MCM5: variants seen among roughly 807,000 people sequenced by gnomAD.
MCM5 encodes the protein DNA replication licensing factor MCM5.
Under a neutral mutation model 79.9 loss-of-function variants are expected in MCM5, and 46 were observed. The observed-to-expected ratio is 0.58, with a 90% CI of 0.45 to 0.74. The LOEUF (loss-of-function observed/expected upper bound fraction) is 0.74, where lower values mean the gene tolerates loss of function less well. MCM5 is among the 30% of genes least tolerant of loss of function. The pLI is 0.00. For missense variants in MCM5, 883 were observed against 1,017.0 expected (o/e 0.87, Z 1.79); for synonymous variants, 404 against 390.5 (o/e 1.03, Z -0.41).
At chr22:35,430,032 C>T (rs1339681652), downstream of MCM5, among the ~76,000 whole-genome samples, 1 of 152,220 alleles carries the variant, frequency 6.6e-6, no homozygotes, top group Non-Finnish European at 1.5e-5. Context: ...CCCTTCAGCC[C>T]TAGGCACACC....
At chr22:35,402,283 G>A (rs975297417) in intron 2 of MCM5, among the ~76,000 whole-genome samples, 2 of 151,622 alleles carry the variant, frequency 1.3e-5, no homozygotes, top group Admixed American at 1.3e-4. Flanking sequence ...AGGCAGATGT[G>A]TTTTCTGCTG....
At chr22:35,403,374 G>A in intron 3 of MCM5, 40 bp from the exon 4 acceptor site, 2 of 1,614,108 alleles carry the variant, frequency 1.2e-6, no homozygotes, top group Non-Finnish European at 1.7e-6. Flanking sequence ...GGGCTGCTCT[G>A]CCCCAGTTAC....
intron 2 of MCM5, 115 bp from the exon 3 acceptor site, chr22:35,403,092 G>A: frequency 8.1e-7 from 1 of 1,228,438 alleles, no homozygotes; most frequent in Non-Finnish European, 1.2e-6. Context: ...GAGGAATGGT[G>A]AGGTCATGGT....
chr22:35,446,633 C>T, the MCM5 span, among the ~76,000 whole-genome samples: 1 of 152,048 alleles, frequency 6.6e-6, no homozygotes, highest in Admixed American at 6.5e-5. Context: ...AACCGGGGCG[C>T]CTGCAGGAGG....
chr22:35,448,749 C>CA, the MCM5 span, among the ~76,000 whole-genome samples: 11 of 152,178 alleles, frequency 7.2e-5, no homozygotes, highest in Non-Finnish European at 1.0e-4. Flanking sequence ...TGGCTTCAAA[C>CA]AACACGCATT....
At chr22:35,434,453 G>A in the MCM5 span, among the ~76,000 whole-genome samples, 12 of 152,076 alleles carry the variant, frequency 7.9e-5, no homozygotes, top group Middle Eastern at 3.2e-3. Context: ...CGGTCCCAGG[G>A]GAGCTCTCTG....
the MCM5 span, among the ~76,000 whole-genome samples, chr22:35,451,497 C>T: frequency 1.3e-5 from 2 of 152,246 alleles, no homozygotes; most frequent in Non-Finnish European, 2.9e-5. Context: ...GATCTGCCAT[C>T]TCCAGAGTTC....
Position 35,424,403 on chromosome 22 carries a change from G to A in MCM5, c.*148G>A, listed in dbSNP as rs1932758149. The A allele has an allele frequency of 4.8e-6, 3 of 623,306 alleles. No homozygotes were observed. Among genetic ancestry groups the A allele is most frequent in the Admixed American group, 3.2e-5 (1 of 31,502 alleles). 38.6% of individuals were successfully genotyped at this position (623,306 alleles called of 1,614,324 possible). A position where few individuals can be genotyped will look rare whatever the true frequency, so the allele number is the denominator to read the frequency against. On this transcript the variant is annotated 3_prime_UTR_variant, in exon 17 of 17. Coordinates refer to ENST00000216122, the MANE Select transcript of MCM5 (RefSeq NM_006739.4). Reference sequence around the variant, plus strand: ...CCTCCTTTCTGCCCCAGAGGAAGGAGCTGTAGTGTCCTGCTGCCTCTGGGC... The same window carrying A: ...CCTCCTTTCTGCCCCAGAGGAAGGAACTGTAGTGTCCTGCTGCCTCTGGGC...
chr22:35,409,301 C>T (rs1009910157), intron 6 of MCM5, among the ~76,000 whole-genome samples: 2 of 152,166 alleles, frequency 1.3e-5, no homozygotes, highest in African/African-American at 4.8e-5. Context: ...TGAACAGCCA[C>T]GGTGGCTCAT....
chr22:35,442,583 G>A, the MCM5 span, among the ~76,000 whole-genome samples: 1 of 152,066 alleles, frequency 6.6e-6, no homozygotes, highest in Non-Finnish European at 1.5e-5. Context: ...TGCTTAGCTC[G>A]GGGCCTCTAA....
chr22:35,428,676 G>T (rs959764699), downstream of MCM5, among the ~76,000 whole-genome samples: 1 of 152,128 alleles, frequency 6.6e-6, no homozygotes, highest in Non-Finnish European at 1.5e-5. Flanking sequence ...TCTGCACGTG[G>T]TCAGGTAGAG....
At chr22:35,438,602 C>CCCACCCACCTATTCATCCATCCAT in the MCM5 span, among the ~76,000 whole-genome samples, 2 of 57,074 alleles carry the variant, frequency 3.5e-5, no homozygotes, top group Admixed American at 1.6e-4. Context: ...CATGCATCCA[C>CCCACCCACCTATTCATCCATCCAT]CCACCCACAT....
At chr22:35,414,071 T>TG in intron 9 of MCM5, 85 bp downstream of exon 9, 2 of 819,894 alleles carry the variant, frequency 2.4e-6, no homozygotes, top group Non-Finnish European at 2.1e-6. Flanking sequence ...AGGACACCTG[T>TG]GGTGGGCTGG....
At chr22:35,410,116 C>T (rs1932332951) in intron 6 of MCM5, 1 of 155,190 alleles carries the variant, frequency 6.4e-6, no homozygotes, top group Non-Finnish European at 1.4e-5. Flanking sequence ...AGGCAGGCCA[C>T]TTCGTCATCC....
At chr22:35,414,763 C>A (rs1932492452) in intron 9 of MCM5, among the ~76,000 whole-genome samples, 1 of 152,140 alleles carries the variant, frequency 6.6e-6, no homozygotes, top group South Asian at 2.1e-4. Flanking sequence ...GGTGAGAAAA[C>A]TCAGGTACAG....
At chr22:35,435,477 C>T in the MCM5 span, among the ~76,000 whole-genome samples, 8 of 152,276 alleles carry the variant, frequency 5.3e-5, no homozygotes, top group Admixed American at 2.6e-4. Flanking sequence ...TGGTGGCCAC[C>T]GGGCCTTTCA....
the MCM5 span, among the ~76,000 whole-genome samples, chr22:35,443,578 C>A: frequency 4.6e-5 from 7 of 152,230 alleles, no homozygotes; most frequent in Admixed American, 6.5e-5. Context: ...GAATCTTTTC[C>A]TGCCTGAACC....
At chr22:35,448,467 G>T in the MCM5 span, among the ~76,000 whole-genome samples, 1 of 151,996 alleles carries the variant, frequency 6.6e-6, no homozygotes, top group South Asian at 2.1e-4. Flanking sequence ...CTCCACTCCT[G>T]CTAAACGCCC....
In MCM5 at chr22:35,403,446, G is replaced by A; in HGVS notation, c.327G>A (p.Glu109=). The change falls in exon 4 of 17, where the codon GAG becomes GAA. Residue 109 remains glutamate, a synonymous_variant. Coordinates refer to ENST00000216122, the MANE Select transcript of MCM5 (RefSeq NM_006739.4). ...LEEAAKEVAD[E]VTRPRPSGEE... is the part of the protein sequence containing the mutation. Reference sequence around the variant, plus strand: ...AAGCTGCCAAGGAGGTAGCTGATGAGGTGACCCGGCCCCGGCCTTCTGGGG... The same window carrying A: ...AAGCTGCCAAGGAGGTAGCTGATGAAGTGACCCGGCCCCGGCCTTCTGGGG... 1 of 1,614,224 alleles carries A rather than the reference G, an allele frequency of 6.2e-7. No homozygotes were observed. Among genetic ancestry groups the A allele is most frequent in the Non-Finnish European group, 8.5e-7 (1 of 1,180,042 alleles).
Sources: gnomAD v4.1 joint callset for allele counts (sites outside exome capture counted in the v4.1 genomes callset) on GRCh38, gnomAD v4.1.1 for gene constraint, MANE v1.5 for transcripts, NCBI Gene and HGNC (gene_info 2026-07-23, HGNC 2026-07-21) for gene names.